The following VNN2 variants were observed in gnomAD, a reference collection of about 807,000 sequenced individuals.
VNN2 encodes the protein vanin 2, also known as pantetheine hydrolase VNN2.
A neutral mutation model predicts 43.0 loss-of-function variants in VNN2; 43 were observed. That is an observed-to-expected ratio of 1.00 (90% CI 0.78 to 1.29). The LOEUF (loss-of-function observed/expected upper bound fraction) is 1.29. Among genes scored for constraint, VNN2 ranks in the 50% most tolerant of loss-of-function variants. VNN2 has a pLI of 0.00. For missense variants in VNN2, 652 were observed against 619.7 expected (o/e 1.05, Z -0.55); for synonymous variants, 230 against 224.3 (o/e 1.03, Z -0.23).
At chr6:132,753,272 A>C (rs1400374201) in intron 3 of VNN2, 2 of 265,556 alleles carry the variant, frequency 7.5e-6, no homozygotes, top group Non-Finnish European at 7.6e-6. Flanking sequence ...TGATCCACCC[A>C]CCTGGGCCTC....
At chr6:132,758,939 C>T (rs961936445), upstream of VNN2, among the ~76,000 whole-genome samples, 1 of 152,020 alleles carries the variant, frequency 6.6e-6, no homozygotes, top group Non-Finnish European at 1.5e-5. Flanking sequence ...TTTCACCCTT[C>T]CCTCCCCATC....
chr6:132,747,300 A>G (rs905674770), intron 6 of VNN2, among the ~76,000 whole-genome samples: 6 of 152,140 alleles, frequency 3.9e-5, no homozygotes, highest in Non-Finnish European at 7.4e-5. Context: ...CCATAAATAT[A>G]TACACCTACT....
chr6:132,750,515 T>TATATATATATATATATATATATA (rs1359427541), intron 5 of VNN2, among the ~76,000 whole-genome samples: 7 of 97,296 alleles, frequency 7.2e-5, no homozygotes, highest in South Asian at 3.3e-4. Context: ...ATATATATAT[T>TATATATATATATATATATATATA]TTTCCAGGTG....
intron 2 of VNN2, 35 bp downstream of exon 2, chr6:132,757,381 T>G (rs560959674): frequency 6.4e-7 from 1 of 1,562,804 alleles, no homozygotes; most frequent in South Asian, 1.2e-5. Flanking sequence ...TTTAGAGAGT[T>G]ACTTTTGCAC....
Position 132,744,208 on chromosome 6 carries a change from A to C in VNN2, c.*92T>G. On this transcript the variant is annotated 3_prime_UTR_variant, in exon 7 of 7. Transcript: ENST00000326499. ...GGACTCACTGGTCTATACTACTGAAATAGCCCTTCAAAGTTTCTTAGTAAA... is the reference window on the plus strand; with the variant it reads ...GGACTCACTGGTCTATACTACTGAACTAGCCCTTCAAAGTTTCTTAGTAAA... 1 of 1,178,492 alleles carries C rather than the reference A, an allele frequency of 8.5e-7. No homozygotes were observed. Among genetic ancestry groups the C allele is most frequent in the Non-Finnish European group, 1.2e-6 (1 of 829,608 alleles). 73.0% of individuals were successfully genotyped at this position (1,178,492 alleles called of 1,614,324 possible). A position where few individuals can be genotyped will look rare whatever the true frequency, so the allele number is the denominator to read the frequency against.
chr6:132,751,669 A>T (rs1780114845), intron 4 of VNN2, 151 bp from the exon 5 acceptor site: 3 of 864,636 alleles, frequency 3.5e-6, no homozygotes, highest in Non-Finnish European at 5.2e-6. Flanking sequence ...TGAACACCTA[A>T]CTACTTCTAT....
At chr6:132,754,418 G>A (rs778954203) in intron 3 of VNN2, among the ~76,000 whole-genome samples, 2 of 152,170 alleles carry the variant, frequency 1.3e-5, no homozygotes, top group Non-Finnish European at 2.9e-5. Context: ...GAGGACTTAT[G>A]TTAACGATTT....
At chr6:132,760,119 C>T (rs1436829503), upstream of VNN2, among the ~76,000 whole-genome samples, 1 of 152,138 alleles carries the variant, frequency 6.6e-6, no homozygotes, top group Admixed American at 6.5e-5. Flanking sequence ...TCTGTGCTCT[C>T]TTTTAATGTC....
chr6:132,752,168 T>G (rs1271377537), intron 4 of VNN2, among the ~76,000 whole-genome samples: 1 of 152,192 alleles, frequency 6.6e-6, no homozygotes, highest in Non-Finnish European at 1.5e-5. Context: ...AGTAGCTGGG[T>G]AGCATTTGGC....
intron 6 of VNN2, among the ~76,000 whole-genome samples, chr6:132,748,929 TA>T (rs1056590706): frequency 1.3e-5 from 2 of 151,436 alleles, no homozygotes; most frequent in East Asian, 3.9e-4. Context: ...AGACTCTGTT[TA>T]AAAAAAAATG....
At chr6:132,758,015 C>A (rs1358603831), upstream of VNN2, 24 of 156,132 alleles carry the variant, frequency 1.5e-4, 2 homozygotes, top group African/African-American at 2.9e-4. Context: ...TCTTCTTCTT[C>A]TTCTTCTTCT....
At chr6:132,760,005 A>G (rs550126017), upstream of VNN2, among the ~76,000 whole-genome samples, 1 of 152,308 alleles carries the variant, frequency 6.6e-6, no homozygotes, top group African/African-American at 2.4e-5. Context: ...CACTTATTAC[A>G]GGATAGGAAT....
upstream of VNN2, chr6:132,758,000 T>TTTCTTCTTCTTC (rs60545394): frequency 8.9e-3 from 3,044 of 341,246 alleles, 134 homozygotes; most frequent in Non-Finnish European, 0.01. Flanking sequence ...TATCATCATT[T>TTTCTTCTTCTTC]TTCTTCTTCT....
chr6:132,747,840 CTTCA>C (rs1287269082), intron 6 of VNN2, among the ~76,000 whole-genome samples: 2 of 152,166 alleles, frequency 1.3e-5, no homozygotes, highest in Non-Finnish European at 2.9e-5. Context: ...CACCATCCAC[CTTCA>C]AACACTTATG....
upstream of VNN2, among the ~76,000 whole-genome samples, chr6:132,762,270 C>T (rs1357515280): frequency 6.6e-6 from 1 of 152,132 alleles, no homozygotes; most frequent in Non-Finnish European, 1.5e-5. Context: ...CTGTTCTGTC[C>T]CTTCTCCTGA....
rs1780445936 is a variant in VNN2 at position 132,755,983 on chromosome 6, A to G, written c.397T>C (p.Ser133Pro). 6.2e-7 allele frequency: 1 copy of G among 1,614,042 alleles called. No individual in the cohort carries two copies. Among genetic ancestry groups the G allele is most frequent in the African/African-American group, 1.3e-5 (1 of 74,948 alleles). Residue 133 changes from serine (S) to proline (P), a missense_variant, in exon 3 of 7, where the codon TCT (serine) becomes CCT (proline). By Grantham distance (74) the Ser-to-Pro change is moderately conservative. Transcript: ENST00000326499. Reference sequence around the variant, plus strand: ...CCCAAATTTGCCAAGACATAGATAGAGTTGTCCTTGGCCAGGCAGCTGAGT... The same window carrying G: ...CCCAAATTTGCCAAGACATAGATAGGGTTGTCCTTGGCCAGGCAGCTGAGT... ...ARLSCLAKDN[S>P]IYVLANLGDK...
In VNN2 at chr6:132,744,070, A is replaced by T; in HGVS notation, c.*230T>A. On this transcript the variant is annotated 3_prime_UTR_variant, in exon 7 of 7. Coordinates refer to ENST00000326499, the MANE Select transcript of VNN2 (RefSeq NM_004665.6). ...AGTTTGATCTTCATTTATCTGACCC[A>T]AACACCCAGGCTCTTTCCATTGTTC... 1 of 355,696 alleles carries T rather than the reference A, an allele frequency of 2.8e-6. No homozygotes were observed. The highest frequency in any genetic ancestry group is 5.0e-6 in the Non-Finnish European group (1 of 201,362). 22.0% of individuals were successfully genotyped at this position (355,696 alleles called of 1,614,324 possible).
chr6:132,751,201 A>T lies in VNN2; in HGVS notation c.1144T>A (p.Tyr382Asn). The change falls in exon 5 of 7, where the codon TAC becomes AAC. Residue 382 changes from tyrosine (Y) to asparagine (N), a missense_variant. Physicochemically the swap from Tyr to Asn is moderately radical, Grantham distance 143 (BLOSUM62 -2). Coordinates refer to ENST00000326499, the MANE Select transcript of VNN2 (RefSeq NM_004665.6). ...RMLQKEENEV[Y>N]VLGAFTGLHG... Reference sequence around the variant, plus strand: ...AATCCTGTAAAAGCTCCTAGAACGTATACTTCATTCTCTTCTTTTTGTAAC... The same window carrying T: ...AATCCTGTAAAAGCTCCTAGAACGTTTACTTCATTCTCTTCTTTTTGTAAC... 1 of 1,614,100 alleles carries T rather than the reference A, an allele frequency of 6.2e-7. No homozygotes were observed. Among genetic ancestry groups the T allele is most frequent in the Middle Eastern group, 1.6e-4 (1 of 6,062 alleles).
chr6:132,758,048 T>A (rs878887447), upstream of VNN2: 2,358 of 393,202 alleles, frequency 6.0e-3, 76 homozygotes, highest in Admixed American at 8.1e-3. Flanking sequence ...TCTTTTTTTT[T>A]TTTTTTTTTT....
Sources: allele counts gnomAD v4.1 joint callset (sites outside exome capture counted in the v4.1 genomes callset), GRCh38; gene constraint gnomAD v4.1.1; transcripts MANE v1.5; gene names NCBI Gene and HGNC (gene_info 2026-07-23, HGNC 2026-07-21).